The following COP1 variants were observed in gnomAD, a reference collection of about 807,000 sequenced individuals.
The protein encoded by COP1 is COP1 E3 ubiquitin ligase, also known as E3 ubiquitin-protein ligase COP1.
COP1 carries 24 observed loss-of-function variants against 101.3 expected under a neutral mutation model. The ratio of observed to expected loss-of-function variants is 0.24; its 90% CI spans 0.17 to 0.33. COP1 has a LOEUF of 0.33. COP1 is among the 10% of genes least tolerant of loss of function. COP1 has a pLI of 1.00. For missense variants in COP1, 663 were observed against 906.2 expected, an observed-to-expected ratio of 0.73 and a Z score of 3.45; for synonymous variants, 347 against 341.9, an observed-to-expected ratio of 1.01 and a Z score of -0.17.
At chr1:176,011,385 T>G (rs893395816) in intron 15 of COP1, among the ~76,000 whole-genome samples, 5 of 152,300 alleles carry the variant, frequency 3.3e-5, no homozygotes, top group Non-Finnish European at 7.4e-5. Flanking sequence ...TATGGTGTAG[T>G]AAGTAGAAAT....
intron 8 of COP1, among the ~76,000 whole-genome samples, chr1:176,128,416 G>C (rs1688387604): frequency 6.6e-6 from 1 of 151,904 alleles, no homozygotes; most frequent in African/African-American, 2.4e-5. Context: ...TCACAATCAA[G>C]ATTCCTTAAG....
intron 2 of COP1, among the ~76,000 whole-genome samples, chr1:176,182,089 T>C (rs552380193): frequency 2.2e-4 from 33 of 152,212 alleles, no homozygotes; most frequent in African/African-American, 4.3e-4. Context: ...CTTCACAACA[T>C]AGTGAAAAAA....
intron 9 of COP1, among the ~76,000 whole-genome samples, chr1:176,113,581 A>G (rs1191948090): frequency 1.3e-5 from 2 of 152,038 alleles, no homozygotes; most frequent in African/African-American, 4.8e-5. Context: ...AACTGTGGAA[A>G]CCTTTTCTTG....
At chr1:176,136,640 G>A in intron 6 of COP1, 93 bp from the exon 7 acceptor site, 13 of 770,210 alleles carry the variant, frequency 1.7e-5, no homozygotes, top group East Asian at 5.6e-5. Context: ...ATTTACATTA[G>A]GAAAATAATT....
At chr1:175,994,584 G>C (rs1659592150) in intron 15 of COP1, among the ~76,000 whole-genome samples, 1 of 152,068 alleles carries the variant, frequency 6.6e-6, no homozygotes, top group African/African-American at 2.4e-5. Context: ...AAAAAGGCAG[G>C]GGTTGCAATC....
intron 9 of COP1, among the ~76,000 whole-genome samples, chr1:176,095,892 T>G (rs1475688154): frequency 1.3e-5 from 2 of 152,192 alleles, no homozygotes; most frequent in Non-Finnish European, 2.9e-5. Flanking sequence ...TCAGTTCACT[T>G]AAGGATGCCC....
At chr1:176,037,996 TTA>T (rs1174436312) in intron 14 of COP1, among the ~76,000 whole-genome samples, 1 of 152,180 alleles carries the variant, frequency 6.6e-6, no homozygotes, top group Non-Finnish European at 1.5e-5. Flanking sequence ...GAAAAAGTAT[TTA>T]TGTTTCTATT....
chr1:176,162,769 G>T, intron 5 of COP1, 100 bp downstream of exon 5: 2 of 981,838 alleles, frequency 2.0e-6, no homozygotes, highest in Non-Finnish European at 2.9e-6. Context: ...AAAATGAATG[G>T]ATTAGTGAAG....
intron 3 of COP1, among the ~76,000 whole-genome samples, chr1:176,172,610 A>T (rs1317526114): frequency 1.3e-5 from 2 of 152,206 alleles, no homozygotes; most frequent in African/African-American, 4.8e-5. Context: ...TTACTTTACC[A>T]GGCTAAGAGG....
At chr1:176,073,970 A>G (rs72713277) in intron 11 of COP1, among the ~76,000 whole-genome samples, 4,154 of 152,260 alleles carry the variant, frequency 0.027, 112 homozygotes, top group Non-Finnish European at 0.038. Flanking sequence ...ACAGAGTCTC[A>G]TTCTGTTGCC....
intron 18 of COP1, among the ~76,000 whole-genome samples, chr1:175,965,790 G>C (rs1651947640): frequency 6.6e-6 from 1 of 151,880 alleles, no homozygotes; most frequent in Non-Finnish European, 1.5e-5. Flanking sequence ...CATCATGTTG[G>C]TCAGGCTGGT....
At chr1:176,175,433 G>T (rs1246101612) in intron 3 of COP1, among the ~76,000 whole-genome samples, 2 of 152,204 alleles carry the variant, frequency 1.3e-5, no homozygotes, top group African/African-American at 4.8e-5. Context: ...GTTTCAGGAT[G>T]AAACTGTTCC....
At chr1:176,199,095 A>C (rs1372213009) in intron 1 of COP1, among the ~76,000 whole-genome samples, 1 of 152,136 alleles carries the variant, frequency 6.6e-6, no homozygotes. Context: ...AGGCGTGGGG[A>C]CCATGAGGTC....
chr1:176,106,557 C>G (rs567507564), intron 9 of COP1, among the ~76,000 whole-genome samples: 1 of 152,206 alleles, frequency 6.6e-6, no homozygotes, highest in African/African-American at 2.4e-5. Flanking sequence ...GACAGATCAG[C>G]TGGCAACACC....
Position 175,996,804 on chromosome 1 carries a change from C to A in COP1, c.1730-7325G>T, listed in dbSNP as rs1419529574. Among the ~76,000 whole-genome samples the A allele has an allele frequency of 2.3e-3, 348 of 151,778 alleles. 1 individual carries two copies. Among genetic ancestry groups the A allele is most frequent in the African/African-American group, 8.0e-3 (331 of 41,336 alleles). On this transcript the variant is annotated intron_variant, in intron 15 of 19. Transcript: ENST00000367669. ...CTCATGGGTAGGAAGAATCAATATC[C>A]TGAAAATGGCCATACTGCCCAAGGT...
chr1:175,995,947 A>C (rs1284902258), intron 15 of COP1, among the ~76,000 whole-genome samples: 3 of 152,180 alleles, frequency 2.0e-5, no homozygotes, highest in Non-Finnish European at 4.4e-5. Flanking sequence ...ACAACCAAAA[A>C]AGAGAATTTT....
At chr1:175,964,091 G>A (rs1230986317) in intron 18 of COP1, among the ~76,000 whole-genome samples, 1 of 152,068 alleles carries the variant, frequency 6.6e-6, no homozygotes, top group Non-Finnish European at 1.5e-5. Flanking sequence ...TTACATGCAA[G>A]ATACTATTAA....
intron 6 of COP1, among the ~76,000 whole-genome samples, chr1:176,141,124 A>G (rs1184613356): frequency 1.3e-5 from 2 of 152,242 alleles, no homozygotes; most frequent in Non-Finnish European, 2.9e-5. Flanking sequence ...TTTTTAATAT[A>G]ATTTTGAATA....
chr1:175,966,127 T>C (rs1242636372), intron 18 of COP1, among the ~76,000 whole-genome samples: 4 of 152,200 alleles, frequency 2.6e-5, no homozygotes, highest in Non-Finnish European at 5.9e-5. Context: ...GGTAAAAATA[T>C]ATATAAATAT....
Sources: allele counts gnomAD v4.1 joint callset (sites outside exome capture counted in the v4.1 genomes callset), GRCh38; gene constraint gnomAD v4.1.1; transcripts MANE v1.5; gene names NCBI Gene and HGNC (gene_info 2026-07-23, HGNC 2026-07-21).